The following TNFRSF11A variants were observed in gnomAD, a reference collection of about 807,000 sequenced individuals.
The protein encoded by TNFRSF11A is TNF receptor superfamily member 11a.
In TNFRSF11A, 32 loss-of-function variants were observed where a neutral mutation model predicts 55.7. That is an observed-to-expected ratio of 0.57 (90% CI 0.43 to 0.77). The LOEUF (loss-of-function observed/expected upper bound fraction) is 0.77. TNFRSF11A is among the 30% of genes least tolerant of loss of function. The pLI, the probability that TNFRSF11A is intolerant of heterozygous loss-of-function variation, is 0.00. For missense variants in TNFRSF11A, 753 were observed against 809.8 expected (o/e 0.93, Z 0.85); for synonymous variants, 311 against 331.0 (o/e 0.94, Z 0.65).
intron 9 of TNFRSF11A, among the ~76,000 whole-genome samples, chr18:62,379,758 A>T (rs1911137092): frequency 1.3e-5 from 2 of 152,348 alleles, no homozygotes; most frequent in South Asian, 4.1e-4. Flanking sequence ...CCCGTTTTCC[A>T]TCAGAAAGTT....
intron 1 of TNFRSF11A, among the ~76,000 whole-genome samples, chr18:62,345,692 C>G (rs2046372946): frequency 6.6e-6 from 1 of 151,946 alleles, no homozygotes; most frequent in African/African-American, 2.4e-5. Flanking sequence ...GGTAGGTATA[C>G]TTTAAAAGGT....
chr18:62,382,664 T>C (rs545310046), intron 9 of TNFRSF11A, among the ~76,000 whole-genome samples: 2 of 151,902 alleles, frequency 1.3e-5, no homozygotes, highest in Admixed American at 6.6e-5. Flanking sequence ...GCGGGGGGAG[T>C]GGAACCAGCT....
chr18:62,355,268 T>C (rs907903566), intron 4 of TNFRSF11A, among the ~76,000 whole-genome samples: 16 of 152,148 alleles, frequency 1.1e-4, no homozygotes, highest in Non-Finnish European at 1.9e-4. Flanking sequence ...ATTTGAAATC[T>C]TTATTTATTT....
intron 1 of TNFRSF11A, chr18:62,336,262 G>A (rs1398123024): frequency 6.6e-6 from 1 of 152,226 alleles, no homozygotes; most frequent in Non-Finnish European, 1.5e-5. Context: ...GTAGTCTCAG[G>A]CTCTGTTCCA....
intron 1 of TNFRSF11A, among the ~76,000 whole-genome samples, chr18:62,326,996 C>T (rs2046085055): frequency 6.6e-6 from 1 of 151,984 alleles, no homozygotes; most frequent in Non-Finnish European, 1.5e-5. Flanking sequence ...CTCATTATAG[C>T]ATCCATAGGG....
intron 1 of TNFRSF11A, among the ~76,000 whole-genome samples, chr18:62,331,381 A>C (rs1225520480): frequency 6.6e-6 from 1 of 152,124 alleles, no homozygotes; most frequent in African/African-American, 2.4e-5. Context: ...GTTTTTCCCA[A>C]ACAAAAAAGA....
intron 8 of TNFRSF11A, among the ~76,000 whole-genome samples, chr18:62,367,657 A>G (rs1910186158): frequency 6.6e-6 from 1 of 152,120 alleles, no homozygotes; most frequent in Non-Finnish European, 1.5e-5. Context: ...CTCATATATA[A>G]CCATAGTACA....
At chr18:62,368,135 A>G (rs1362673327) in intron 8 of TNFRSF11A, among the ~76,000 whole-genome samples, 1 of 152,192 alleles carries the variant, frequency 6.6e-6, no homozygotes, top group Admixed American at 6.5e-5. Context: ...ATTTGAAAGC[A>G]TAAGCTCAAA....
At chr18:62,379,735 C>A (rs1357762424) in intron 9 of TNFRSF11A, among the ~76,000 whole-genome samples, 1 of 152,092 alleles carries the variant, frequency 6.6e-6, no homozygotes, top group East Asian at 1.9e-4. Context: ...TAGACCCATT[C>A]GCAAAGGACA....
chr18:62,333,306 C>G (rs915091715), intron 1 of TNFRSF11A, among the ~76,000 whole-genome samples: 4 of 152,144 alleles, frequency 2.6e-5, no homozygotes, highest in Non-Finnish European at 4.4e-5. Flanking sequence ...CCTTCTTATG[C>G]CCCCCACCTA....
intron 7 of TNFRSF11A, among the ~76,000 whole-genome samples, chr18:62,363,462 G>A (rs1047159132): frequency 1.3e-5 from 2 of 148,204 alleles, no homozygotes; most frequent in Admixed American, 1.4e-4. Context: ...TCCGCCTCCT[G>A]GGTTGCAGCG....
intron 3 of TNFRSF11A, 27 bp downstream of exon 3, chr18:62,349,964 T>A: frequency 5.6e-6 from 9 of 1,613,342 alleles, no homozygotes; most frequent in East Asian, 2.2e-5. Flanking sequence ...AGTGTGTCAG[T>A]GGGAAGTGTA....
At chr18:62,379,602 C>T (rs1484680926) in intron 9 of TNFRSF11A, among the ~76,000 whole-genome samples, 1 of 152,152 alleles carries the variant, frequency 6.6e-6, no homozygotes, top group Non-Finnish European at 1.5e-5. Context: ...AGGAAGAAAA[C>T]TCTAGAAGGC....
chr18:62,370,675 AAGG>A (rs1177116197), intron 9 of TNFRSF11A, among the ~76,000 whole-genome samples: 2 of 152,162 alleles, frequency 1.3e-5, no homozygotes, highest in African/African-American at 4.8e-5. Context: ...GTCAAACAGA[AAGG>A]AGGAGATATG....
At chr18:62,349,605 C>T (rs1039625781) in intron 2 of TNFRSF11A, among the ~76,000 whole-genome samples, 6 of 152,150 alleles carry the variant, frequency 3.9e-5, no homozygotes, top group Non-Finnish European at 5.9e-5. Flanking sequence ...CAGCCAGCTG[C>T]GTGGCCTGAG....
intron 1 of TNFRSF11A, among the ~76,000 whole-genome samples, chr18:62,338,169 C>T (rs969733606): frequency 6.6e-6 from 1 of 152,096 alleles, no homozygotes; most frequent in Non-Finnish European, 1.5e-5. Context: ...CAAACAAAAC[C>T]AGAAAATAAC....
In TNFRSF11A at chr18:62,384,889, C is replaced by A; in HGVS notation, c.1706C>A (p.Pro569Gln). Reference sequence around the variant, plus strand: ...GCGGCTGCGGAGCCCATGGGCCGCCCGGTGCAGGAGGAGACCCTGGCGCGC... The same window carrying A: ...GCGGCTGCGGAGCCCATGGGCCGCCAGGTGCAGGAGGAGACCCTGGCGCGC... ...AAAAAEPMGR[P>Q]VQEETLARRD... is the part of the protein sequence containing the mutation. The change falls in exon 10 of 10, where the codon CCG becomes CAG. Residue 569 changes from proline to glutamine, a missense_variant. Physicochemically the swap from Pro to Gln is moderately conservative, Grantham distance 76. This residue lies in a region of TNFRSF11A where 567 missense variants were observed against 596.7 expected (regional missense o/e 0.95). Coordinates refer to ENST00000586569, the MANE Select transcript of TNFRSF11A (RefSeq NM_003839.4). 6.3e-7 allele frequency: 1 copy of A among 1,588,326 alleles called. No homozygotes were observed. Among genetic ancestry groups the A allele is most frequent in the Non-Finnish European group, 8.6e-7 (1 of 1,167,904 alleles).
intron 4 of TNFRSF11A, 52 bp downstream of exon 4, chr18:62,354,586 A>G: frequency 6.3e-7 from 1 of 1,598,760 alleles, no homozygotes; most frequent in Non-Finnish European, 8.5e-7. Context: ...ATGCAAAGCC[A>G]GCTTTGAGAC....
rs1911972924 is a variant in TNFRSF11A, at chr18:62,391,049, T to C, written c.*6015T>C. ...ACTACCCCTAGCCCCTGGCAACCAT[T>C]ATCTGTTCTCTCTTCCCATAGTTTC... is the stretch of plus-strand genomic sequence containing the variant. On this transcript the variant is annotated 3_prime_UTR_variant, in exon 10 of 10. Coordinates refer to ENST00000586569, the MANE Select transcript of TNFRSF11A (RefSeq NM_003839.4). 1 of 152,232 alleles carries C rather than the reference T, an allele frequency of 6.6e-6. No homozygotes were observed. Among genetic ancestry groups the C allele is most frequent in the African/African-American group, 2.4e-5 (1 of 41,458 alleles). The allele number at this position is 152,232 out of a possible 1,614,324, so 9.4% of individuals were successfully genotyped here. A position where few individuals can be genotyped will look rare whatever the true frequency, so the allele number is the denominator to read the frequency against.
Sources: gnomAD v4.1 joint callset for allele counts (sites outside exome capture counted in the v4.1 genomes callset) on GRCh38, gnomAD v4.1.1 for gene constraint, gnomAD v4.1.1 regional missense constraint, MANE v1.5 for transcripts, NCBI Gene and HGNC (gene_info 2026-07-23, HGNC 2026-07-21) for gene names.